The following SFMBT1 variants were observed in gnomAD, a reference collection of about 807,000 sequenced individuals.
SFMBT1 encodes the protein Scm like with four mbt domains 1, also known as scm-like with four MBT domains protein 1.
Under a neutral mutation model 108.7 loss-of-function variants are expected in SFMBT1, and 32 were observed. The observed-to-expected ratio is 0.29, with a 90% CI of 0.22 to 0.40. SFMBT1 has a LOEUF of 0.40. Among genes scored for constraint, SFMBT1 ranks in the 10% least tolerant of loss-of-function variants. SFMBT1 has a pLI of 1.00. For synonymous variants in SFMBT1, 348 were observed against 369.5 expected, an observed-to-expected ratio of 0.94 and a Z score of 0.67; for missense variants, 816 against 1,059.6, an observed-to-expected ratio of 0.77 and a Z score of 3.19.
At chr3:52,935,354 T>G (rs941999620) in intron 4 of SFMBT1, among the ~76,000 whole-genome samples, 6 of 152,234 alleles carry the variant, frequency 3.9e-5, no homozygotes, top group African/African-American at 1.2e-4. Flanking sequence ...TAATAAAGTT[T>G]TACTGGAACA....
intron 1 of SFMBT1, among the ~76,000 whole-genome samples, chr3:53,043,494 T>C (rs1472270015): frequency 6.6e-6 from 1 of 152,244 alleles, no homozygotes; most frequent in Non-Finnish European, 1.5e-5. Context: ...TTTCATTCAA[T>C]TTTCTCAGCA....
chr3:53,017,061 A>G (rs901743106), intron 1 of SFMBT1, among the ~76,000 whole-genome samples: 2 of 152,210 alleles, frequency 1.3e-5, no homozygotes, highest in African/African-American at 4.8e-5. Flanking sequence ...TTTGTTGAGG[A>G]TCTACTATGC....
At chr3:52,972,744 A>AAC (rs55859723) in intron 1 of SFMBT1, among the ~76,000 whole-genome samples, 15,042 of 95,004 alleles carry the variant, frequency 0.16, 1,606 homozygotes, top group East Asian at 0.26. Flanking sequence ...ATCTCTACTA[A>AAC]ACACACACAC....
intron 9 of SFMBT1, 96 bp downstream of exon 9, chr3:52,928,095 G>A: frequency 5.4e-6 from 8 of 1,483,230 alleles, no homozygotes; most frequent in Non-Finnish European, 7.3e-6. Flanking sequence ...GCTAGGGCAG[G>A]AGGAGAGGGA....
intron 1 of SFMBT1, among the ~76,000 whole-genome samples, chr3:53,014,837 T>A (rs1326424853): frequency 1.9e-4 from 29 of 152,128 alleles, no homozygotes; most frequent in Admixed American, 1.9e-3. Flanking sequence ...AGAGAAACTA[T>A]GAATCTGGAG....
chr3:52,982,053 C>T (rs1704729743), intron 1 of SFMBT1, among the ~76,000 whole-genome samples: 1 of 152,124 alleles, frequency 6.6e-6, no homozygotes, highest in Non-Finnish European at 1.5e-5. Flanking sequence ...ATGAGTTCAA[C>T]TCACCCCATG....
chr3:52,915,390 G>A (rs192170898), intron 14 of SFMBT1, among the ~76,000 whole-genome samples: 1 of 152,330 alleles, frequency 6.6e-6, no homozygotes, highest in East Asian at 1.9e-4. Context: ...AACCCTCTAT[G>A]TACAAATGAT....
chr3:53,036,973 G>C (rs1242010503), intron 1 of SFMBT1, among the ~76,000 whole-genome samples: 1 of 152,148 alleles, frequency 6.6e-6, no homozygotes, highest in Admixed American at 6.5e-5. Context: ...GAAAATGAAG[G>C]TCACAATGAG....
In SFMBT1 at chr3:52,905,217, G is replaced by T. The variant is rs757567961; in HGVS notation, c.2520C>A (p.Asp840Glu). ...LTLPTVQECM[D>E]LKLGPAIKLC... ...GTTTGATGGCAGGGCCCAATTTTAA[G>T]TCCATGCATTCTTGAACAGTGGGAA... is the stretch of plus-strand genomic sequence containing the variant. Residue 840 changes from aspartate to glutamate, a missense_variant, in exon 21 of 21, where the codon GAC becomes GAA. Coordinates refer to ENST00000394752, the MANE Select transcript of SFMBT1 (RefSeq NM_016329.4). 6.2e-7 allele frequency: 1 copy of T among 1,613,982 alleles called. No individual in the cohort carries two copies. Among genetic ancestry groups the T allele is most frequent in the African/African-American group, 1.3e-5 (1 of 74,916 alleles).
rs77523309 is a variant in SFMBT1 at position 52,909,083 on chromosome 3, C to T, written c.1907-1350G>A. 1.8e-3 allele frequency among the ~76,000 whole-genome samples: 271 copies of T among 152,162 alleles called. 1 individual carries two copies. Among genetic ancestry groups the T allele is most frequent in the African/African-American group, 6.0e-3 (250 of 41,516 alleles). On this transcript the variant is annotated intron_variant, in intron 17 of 20. Transcript: ENST00000394752. ...ATTAAAGTAATATCAAAATATAATA[C>T]AATTTTGTGAAAAAAATGGAAATTT...
chr3:53,009,554 C>T (rs983550554), intron 1 of SFMBT1, among the ~76,000 whole-genome samples: 1 of 152,208 alleles, frequency 6.6e-6, no homozygotes, highest in Non-Finnish European at 1.5e-5. Context: ...CAATCCTTCA[C>T]TCTTTCAGTA....
chr3:52,974,152 AAAAAC>A (rs1031538630), intron 1 of SFMBT1, among the ~76,000 whole-genome samples: 4 of 152,186 alleles, frequency 2.6e-5, no homozygotes, highest in Non-Finnish European at 5.9e-5. Context: ...CGGTGGCTGG[AAAAAC>A]AAAACAAAAC....
intron 1 of SFMBT1, among the ~76,000 whole-genome samples, chr3:52,978,128 G>C (rs1704581214): frequency 6.6e-6 from 1 of 152,170 alleles, no homozygotes; most frequent in Non-Finnish European, 1.5e-5. Flanking sequence ...AAGTGATAGA[G>C]CTGGGGAGGA....
At chr3:53,006,628 C>CAA (rs145854514) in intron 1 of SFMBT1, among the ~76,000 whole-genome samples, 5 of 126,314 alleles carry the variant, frequency 4.0e-5, no homozygotes, top group Admixed American at 7.9e-5. Context: ...AACTCCGTCT[C>CAA]AAAAAAAAAA....
At chr3:52,926,884 G>A (rs1459724166) in intron 9 of SFMBT1, among the ~76,000 whole-genome samples, 1 of 152,034 alleles carries the variant, frequency 6.6e-6, no homozygotes, top group Admixed American at 6.6e-5. Context: ...CCCTCTGACA[G>A]CCCAACAGTC....
At chr3:52,991,804 T>C (rs1424174715) in intron 1 of SFMBT1, among the ~76,000 whole-genome samples, 1 of 152,130 alleles carries the variant, frequency 6.6e-6, no homozygotes, top group Non-Finnish European at 1.5e-5. Context: ...GCACCATCAA[T>C]GAGGAATGGC....
At position 52,954,425 on chromosome 3, in the gene SFMBT1, TAAAAC is replaced by T; in HGVS notation, c.29-19_29-15del. On this transcript the variant is annotated splice_polypyrimidine_tract_variant and intron_variant, in intron 2 of 20. Transcript: ENST00000394752. The stretch of plus-strand genomic sequence containing the variant: ...CAGAGCCGGCATCTAGAATTAAAAA[TAAAAC>T]AAAAACAGGTGAATCCCAATTAAAG... The T allele has an allele frequency of 6.3e-7, 1 of 1,594,106 alleles. No homozygotes were observed. Among genetic ancestry groups the T allele is most frequent in the Non-Finnish European group, 8.6e-7 (1 of 1,167,394 alleles).
intron 1 of SFMBT1, among the ~76,000 whole-genome samples, chr3:52,984,788 T>C (rs1704848698): frequency 6.7e-6 from 1 of 149,716 alleles, no homozygotes; most frequent in African/African-American, 2.5e-5. Flanking sequence ...ACTATAATGA[T>C]TCATACTATA....
intron 1 of SFMBT1, among the ~76,000 whole-genome samples, chr3:52,992,607 A>G (rs1705179511): frequency 6.6e-6 from 1 of 152,214 alleles, no homozygotes; most frequent in Non-Finnish European, 1.5e-5. Context: ...AATCAGTCTT[A>G]ATGGAACAAA....
Sources: allele counts gnomAD v4.1 joint callset (sites outside exome capture counted in the v4.1 genomes callset), GRCh38; gene constraint gnomAD v4.1.1; transcripts MANE v1.5; gene names NCBI Gene and HGNC (gene_info 2026-07-23, HGNC 2026-07-21).